Variants in PALS1 observed in about 807,000 individuals in gnomAD.
PALS1 encodes the protein protein associated with LIN7 1, MAGUK p55 family member.
In PALS1, 31 loss-of-function variants were observed where a neutral mutation model predicts 78.9. That is an observed-to-expected ratio of 0.39 (90% CI 0.30 to 0.53). The LOEUF (loss-of-function observed/expected upper bound fraction) is 0.53, where lower values mean the gene tolerates loss of function less well. Among genes scored for constraint, PALS1 ranks in the 20% least tolerant of loss-of-function variants. The probability of loss-of-function intolerance (pLI) is 0.67; values close to 1 mark genes in which losing one functional copy is unlikely to be tolerated. For synonymous variants in PALS1, 276 were observed against 270.9 expected, an observed-to-expected ratio of 1.02 and a Z score of -0.18; for missense variants, 704 against 826.5, an observed-to-expected ratio of 0.85 and a Z score of 1.82.
intron 1 of PALS1, among the ~76,000 whole-genome samples, chr14:67,258,630 C>T (rs770291766): frequency 2.0e-5 from 3 of 152,130 alleles, no homozygotes; most frequent in Admixed American, 6.5e-5. Flanking sequence ...CTATCTTGCC[C>T]AGGCCGGTCT....
intron 9 of PALS1, among the ~76,000 whole-genome samples, chr14:67,314,897 C>G (rs933408979): frequency 1.3e-5 from 2 of 152,076 alleles, no homozygotes; most frequent in African/African-American, 4.8e-5. Flanking sequence ...TTGAGACTAG[C>G]CTGGGCCACA....
intron 3 of PALS1, among the ~76,000 whole-genome samples, chr14:67,289,028 G>A (rs967668569): frequency 4.2e-5 from 6 of 144,058 alleles, no homozygotes; most frequent in Non-Finnish European, 7.5e-5. Flanking sequence ...GTGCAGTGGC[G>A]TGATACTGGG....
chr14:67,256,009 A>G (rs560229376), intron 1 of PALS1, among the ~76,000 whole-genome samples: 3 of 152,190 alleles, frequency 2.0e-5, no homozygotes, highest in Non-Finnish European at 4.4e-5. Context: ...TTAATAAGTA[A>G]TTGTAATTTA....
chr14:67,307,971 A>G (rs1387999660), intron 8 of PALS1, among the ~76,000 whole-genome samples: 2 of 152,146 alleles, frequency 1.3e-5, no homozygotes, highest in Admixed American at 6.5e-5. Flanking sequence ...TTAGCAAACT[A>G]ACACAGGAAC....
chr14:67,327,044 A>G (rs1037003860), intron 14 of PALS1, among the ~76,000 whole-genome samples: 1 of 152,216 alleles, frequency 6.6e-6, no homozygotes, highest in African/African-American at 2.4e-5. Flanking sequence ...GTGTGGTGGC[A>G]TGCACCTGTA....
At chr14:67,323,420 G>T (rs960781591) in intron 13 of PALS1, among the ~76,000 whole-genome samples, 1 of 151,534 alleles carries the variant, frequency 6.6e-6, no homozygotes, top group Non-Finnish European at 1.5e-5. Flanking sequence ...TTCAAGACCA[G>T]CCTGGACAAC....
At chr14:67,295,108 T>TGTGTGTGC (rs2084828426) in intron 4 of PALS1, 1 of 141,736 alleles carries the variant, frequency 7.1e-6, no homozygotes, top group African/African-American at 2.8e-5. Context: ...TATTGAAGTG[T>TGTGTGTGC]GTGTGTGTGT....
chr14:67,274,836 A>C (rs150066740), intron 2 of PALS1, among the ~76,000 whole-genome samples: 28,165 of 152,118 alleles, frequency 0.19, 3,027 homozygotes, highest in Non-Finnish European at 0.25. Flanking sequence ...GAGGTCCTTC[A>C]CATCCCTTGT....
chr14:67,308,262 T>C (rs1242139540), intron 8 of PALS1, among the ~76,000 whole-genome samples: 1 of 148,878 alleles, frequency 6.7e-6, no homozygotes, highest in African/African-American at 2.5e-5. Flanking sequence ...GTGTAAAAAG[T>C]ATAAAAGCCA....
intron 8 of PALS1, among the ~76,000 whole-genome samples, chr14:67,307,974 A>C (rs1332878243): frequency 2.0e-5 from 3 of 152,078 alleles, no homozygotes; most frequent in Non-Finnish European, 4.4e-5. Context: ...GCAAACTAAC[A>C]CAGGAACAGA....
chr14:67,281,870 A>G (rs556559222), intron 3 of PALS1, among the ~76,000 whole-genome samples: 2 of 152,080 alleles, frequency 1.3e-5, no homozygotes, highest in South Asian at 2.1e-4. Flanking sequence ...CTTTTTTACA[A>G]ATTCAGATTA....
chr14:67,259,712 C>T (rs1193408004), intron 1 of PALS1, among the ~76,000 whole-genome samples: 1 of 151,908 alleles, frequency 6.6e-6, no homozygotes, highest in East Asian at 1.9e-4. Context: ...GAATTTAAGA[C>T]CAGCCTGGGC....
intron 4 of PALS1, among the ~76,000 whole-genome samples, chr14:67,299,174 A>G (rs2084898441): frequency 6.6e-6 from 1 of 152,292 alleles, no homozygotes; most frequent in Admixed American, 6.5e-5. Flanking sequence ...GCATTATTCT[A>G]TATGTGTATT....
Position 67,312,580 on chromosome 14 carries a change from A to T in PALS1, c.1095A>T (p.Pro365=). Residue 365 remains proline (P), a synonymous_variant, in exon 9 of 15, where the codon CCA becomes CCT. Coordinates refer to ENST00000261681, the MANE Select transcript of PALS1 (RefSeq NM_022474.4). ...ACCCCTCAGATGACCCTTATGTTCCATGTCGAGAGTTAGGTCTGTCTTTTC... is the reference window on the plus strand; with the variant it reads ...ACCCCTCAGATGACCCTTATGTTCCTTGTCGAGAGTTAGGTCTGTCTTTTC... ...DYDPSDDPYV[P]CRELGLSFQK... The T allele has an allele frequency of 6.2e-7, 1 of 1,613,392 alleles. No individual in the cohort carries two copies. The highest frequency in any genetic ancestry group is 8.5e-7 in the Non-Finnish European group (1 of 1,179,624).
chr14:67,291,075 G>A (rs1032267104), intron 3 of PALS1, among the ~76,000 whole-genome samples: 19 of 152,246 alleles, frequency 1.2e-4, no homozygotes, highest in African/African-American at 4.3e-4. Flanking sequence ...AAGCAGGGGG[G>A]TCGGAGTTGA....
chr14:67,264,475 T>A (rs553084589), intron 1 of PALS1, among the ~76,000 whole-genome samples: 37 of 152,302 alleles, frequency 2.4e-4, no homozygotes, highest in Middle Eastern at 3.4e-3. Flanking sequence ...TTTTTTCATG[T>A]GTTTTCTTGT....
intron 14 of PALS1, among the ~76,000 whole-genome samples, chr14:67,329,352 G>A (rs544326793): frequency 6.6e-6 from 1 of 152,268 alleles, no homozygotes; most frequent in African/African-American, 2.4e-5. Flanking sequence ...TGCTGAAGTT[G>A]CTTATCAGCT....
chr14:67,327,242 T>C (rs2085372044), intron 14 of PALS1, among the ~76,000 whole-genome samples: 3 of 152,200 alleles, frequency 2.0e-5, no homozygotes, highest in Non-Finnish European at 1.5e-5. Flanking sequence ...AGTCTTTTTG[T>C]AGACCTATGT....
chr14:67,267,254 A>T (rs2084343354), intron 1 of PALS1, among the ~76,000 whole-genome samples: 1 of 152,024 alleles, frequency 6.6e-6, no homozygotes, highest in African/African-American at 2.4e-5. Flanking sequence ...AAAATTCATT[A>T]TTTATTTATT....
Sources: gnomAD v4.1 joint callset for allele counts (sites outside exome capture counted in the v4.1 genomes callset) on GRCh38, gnomAD v4.1.1 for gene constraint, MANE v1.5 for transcripts, NCBI Gene and HGNC (gene_info 2026-07-23, HGNC 2026-07-21) for gene names.